DACH1: variants seen among roughly 807,000 people sequenced by gnomAD.
The protein encoded by DACH1 is dachshund family transcription factor 1.
A neutral mutation model predicts 54.2 loss-of-function variants in DACH1; 12 were observed. That is an observed-to-expected ratio of 0.22 (90% CI 0.14 to 0.36). The LOEUF (loss-of-function observed/expected upper bound fraction) is 0.36, where lower values mean the gene tolerates loss of function less well. DACH1 is among the 10% of genes least tolerant of loss of function. The probability of loss-of-function intolerance (pLI) is 1.00; values close to 1 mark genes in which losing one functional copy is unlikely to be tolerated. For missense variants in DACH1, 805 were observed against 929.8 expected (o/e 0.87, Z 1.75); for synonymous variants, 386 against 366.2 (o/e 1.05, Z -0.62).
chr13:71,570,559 A>G (rs181168099), intron 4 of DACH1, among the ~76,000 whole-genome samples: 1 of 152,128 alleles, frequency 6.6e-6, no homozygotes, highest in Non-Finnish European at 1.5e-5. Flanking sequence ...AAAATCCACA[A>G]CTCCCTTTAA....
chr13:71,592,514 A>G (rs1229348781), intron 3 of DACH1, among the ~76,000 whole-genome samples: 6 of 141,690 alleles, frequency 4.2e-5, no homozygotes, highest in East Asian at 2.1e-4. Context: ...AAAAAAAAAA[A>G]AAAGAAAAGA....
At chr13:71,761,524 C>T (rs553594469) in intron 1 of DACH1, among the ~76,000 whole-genome samples, 26 of 152,286 alleles carry the variant, frequency 1.7e-4, no homozygotes, top group African/African-American at 6.3e-4. Context: ...GGAATATTTG[C>T]ATTTTTCCCT....
chr13:71,566,750 T>C (rs74095977), intron 4 of DACH1, among the ~76,000 whole-genome samples: 231 of 152,190 alleles, frequency 1.5e-3, no homozygotes, highest in African/African-American at 5.4e-3. Context: ...ATATTTAATA[T>C]CAATATTCAA....
intron 1 of DACH1, among the ~76,000 whole-genome samples, chr13:71,735,309 CGTGTATATGGGATAT>C (rs1332264741): frequency 1.3e-4 from 8 of 61,422 alleles, no homozygotes; most frequent in African/African-American, 4.2e-4. Context: ...ACGGGATATA[CGTGTATATGGGATAT>C]ACACGTATAC....
chr13:71,465,456 G>A (rs1204008083), intron 10 of DACH1, among the ~76,000 whole-genome samples: 1 of 152,026 alleles, frequency 6.6e-6, no homozygotes, highest in East Asian at 1.9e-4. Flanking sequence ...AAGATGGCTA[G>A]GATATCCTTA....
At chr13:71,797,486 T>C (rs1887104821) in intron 1 of DACH1, among the ~76,000 whole-genome samples, 1 of 152,174 alleles carries the variant, frequency 6.6e-6, no homozygotes, top group Admixed American at 6.6e-5. Context: ...TTTATTATCA[T>C]TTCAGTTCAT....
chr13:71,811,767 C>T (rs1887723256), intron 1 of DACH1, among the ~76,000 whole-genome samples: 1 of 152,158 alleles, frequency 6.6e-6, no homozygotes, highest in Non-Finnish European at 1.5e-5. Context: ...TCAGTTCCTA[C>T]TTCTGTAAAG....
intron 10 of DACH1, among the ~76,000 whole-genome samples, chr13:71,452,020 T>C (rs1359616112): frequency 1.3e-5 from 2 of 152,320 alleles, no homozygotes; most frequent in East Asian, 1.9e-4. Context: ...CTAAAACACA[T>C]GGAGGCAAAA....
chr13:71,860,367 C>G (rs1048233480), intron 1 of DACH1, among the ~76,000 whole-genome samples: 1 of 150,994 alleles, frequency 6.6e-6, no homozygotes, highest in Non-Finnish European at 1.5e-5. Context: ...AATGATAAAA[C>G]TTTATCTTAA....
intron 1 of DACH1, among the ~76,000 whole-genome samples, chr13:71,730,182 C>A (rs541440477): frequency 1.3e-5 from 2 of 151,494 alleles, no homozygotes; most frequent in Non-Finnish European, 2.9e-5. Context: ...CACATGTACC[C>A]TAAAACTTAA....
At chr13:71,663,478 C>G (rs1315923962) in intron 2 of DACH1, among the ~76,000 whole-genome samples, 1 of 151,932 alleles carries the variant, frequency 6.6e-6, no homozygotes, top group African/African-American at 2.4e-5. Flanking sequence ...GCAACAGATA[C>G]ATGCTTTCTG....
chr13:71,700,344 T>C (rs553990843), intron 1 of DACH1, among the ~76,000 whole-genome samples: 2 of 151,724 alleles, frequency 1.3e-5, no homozygotes, highest in African/African-American at 4.8e-5. Flanking sequence ...GATCACGAGG[T>C]CAGGAGTTCG....
chr13:71,603,827 T>C (rs1874686698), intron 3 of DACH1, among the ~76,000 whole-genome samples: 1 of 151,992 alleles, frequency 6.6e-6, no homozygotes, highest in South Asian at 2.1e-4. Context: ...GTGATACCGA[T>C]ATTATGCTCC....
At chr13:71,837,358 C>T (rs1888833750) in intron 1 of DACH1, among the ~76,000 whole-genome samples, 1 of 151,810 alleles carries the variant, frequency 6.6e-6, no homozygotes, top group African/African-American at 2.4e-5. Flanking sequence ...TATACATATT[C>T]TGTAATAGTA....
intron 1 of DACH1, among the ~76,000 whole-genome samples, chr13:71,692,084 A>G (rs1455177162): frequency 6.6e-6 from 1 of 152,006 alleles, no homozygotes; most frequent in African/African-American, 2.4e-5. Flanking sequence ...AGGCTGAAGT[A>G]CTCAAATTTG....
At chr13:71,667,411 C>T (rs779746885) in intron 2 of DACH1, among the ~76,000 whole-genome samples, 58 of 152,178 alleles carry the variant, frequency 3.8e-4, no homozygotes, top group Middle Eastern at 3.4e-3. Flanking sequence ...TGGGATGATA[C>T]GCTAATGGGA....
chr13:71,702,603 C>A (rs1882199088), intron 1 of DACH1, among the ~76,000 whole-genome samples: 1 of 151,954 alleles, frequency 6.6e-6, no homozygotes, highest in Non-Finnish European at 1.5e-5. Flanking sequence ...AGACAGGGAA[C>A]AATGCTGATT....
At chr13:71,704,450 C>G in intron 1 of DACH1, 1 of 367,472 alleles carries the variant, frequency 2.7e-6, no homozygotes, top group Non-Finnish European at 5.3e-6. Context: ...AATGTGCGTA[C>G]TGAGTATATG....
chr13:71,620,197 C>G (rs1194789519), intron 3 of DACH1, among the ~76,000 whole-genome samples: 2 of 151,830 alleles, frequency 1.3e-5, no homozygotes, highest in African/African-American at 4.8e-5. Flanking sequence ...AAATGTGAAG[C>G]ATGAGCGAGC....
Sources: allele counts gnomAD v4.1 joint callset (sites outside exome capture counted in the v4.1 genomes callset), GRCh38; gene constraint gnomAD v4.1.1; transcripts MANE v1.5; gene names NCBI Gene and HGNC (gene_info 2026-07-23, HGNC 2026-07-21).